Variants in LRRC8C observed in about 807,000 individuals in gnomAD.
The protein encoded by LRRC8C is volume-regulated anion channel subunit LRRC8C.
In LRRC8C, 20 loss-of-function variants were observed where a neutral mutation model predicts 55.3. The ratio of observed to expected loss-of-function variants is 0.36; its 90% CI spans 0.25 to 0.53. The LOEUF (loss-of-function observed/expected upper bound fraction) is 0.53. Ranked by LOEUF, LRRC8C falls within the 20% of genes least tolerant of loss-of-function variation. The pLI is 0.92. For missense variants in LRRC8C, 659 were observed against 951.4 expected (o/e 0.69, Z 4.04); for synonymous variants, 376 against 360.7 (o/e 1.04, Z -0.48).
Position 89,716,521 on chromosome 1 carries a change from G to C in LRRC8C, c.*1539G>C, listed in dbSNP as rs1658825118. 1.3e-5 allele frequency: 2 copies of C among 152,172 alleles called. 1 individual carries two copies. The highest frequency in any genetic ancestry group is 4.1e-4 in the South Asian group (2 of 4,834). The allele number at this position is 152,172 out of a possible 1,614,324, so 9.4% of individuals were successfully genotyped here. A position where few individuals can be genotyped will look rare whatever the true frequency, so the allele number is the denominator to read the frequency against. On this transcript the variant is annotated 3_prime_UTR_variant, in exon 3 of 3. Coordinates refer to ENST00000370454, the MANE Select transcript of LRRC8C (RefSeq NM_032270.5). ...ATCAGCAGAGCTTTTATTTACCTTTGTAATTAAAATCCAACATAGCATGGG... is the reference window on the plus strand; with the variant it reads ...ATCAGCAGAGCTTTTATTTACCTTTCTAATTAAAATCCAACATAGCATGGG...
intron 1 of LRRC8C, among the ~76,000 whole-genome samples, chr1:89,685,015 G>A (rs1340756634): frequency 6.6e-6 from 1 of 151,726 alleles, no homozygotes; most frequent in Non-Finnish European, 1.5e-5. Context: ...CAGCAAGACG[G>A]AATAGATAAC....
intron 1 of LRRC8C, among the ~76,000 whole-genome samples, chr1:89,666,506 C>CT (rs1657268451): frequency 6.6e-6 from 1 of 152,168 alleles, no homozygotes. Context: ...TCCCAACTCT[C>CT]TAAATAAGAT....
Position 89,717,384 on chromosome 1 carries a change from C to T in LRRC8C, c.*2402C>T, listed in dbSNP as rs919501477. The T allele has an allele frequency of 6.6e-5, 10 of 152,136 alleles. No homozygotes were observed. The South Asian group carries it at 1.2e-3, about 19-fold the overall frequency. 9.4% of individuals were successfully genotyped at this position (152,136 alleles called of 1,614,324 possible). ...TAAAAATCTCATATGGGTTCATAACCGAGGTCACTAATAATTCATTTTTAT... is the reference window on the plus strand; with the variant it reads ...TAAAAATCTCATATGGGTTCATAACTGAGGTCACTAATAATTCATTTTTAT... On this transcript the variant is annotated 3_prime_UTR_variant, in exon 3 of 3. Coordinates refer to ENST00000370454, the MANE Select transcript of LRRC8C (RefSeq NM_032270.5).
At chr1:89,671,286 G>GTGAGGGGCCCTCAT (rs1657406409) in intron 1 of LRRC8C, among the ~76,000 whole-genome samples, 1 of 152,024 alleles carries the variant, frequency 6.6e-6, no homozygotes, top group African/African-American at 2.4e-5. Context: ...AGGTTAGGGA[G>GTGAGGGGCCCTCAT]GGAAGAAGGT....
rs1426476995 is a variant in LRRC8C, at chr1:89,651,414, A to G, written c.-5+18092A>G. 4.0e-5 allele frequency among the ~76,000 whole-genome samples: 6 copies of G among 151,874 alleles called. No individual in the cohort carries two copies. The East Asian group carries it at 1.2e-3, about 29-fold the overall frequency. On this transcript the variant is annotated intron_variant, in intron 1 of 2. Coordinates refer to ENST00000370454, the MANE Select transcript of LRRC8C (RefSeq NM_032270.5). The stretch of plus-strand genomic sequence containing the variant: ...AAACCCTGTCTCTGCTGAAAGTACA[A>G]AAAATTAGCCGGGCATGGTGGCGGG...
At chr1:89,681,909 T>C (rs1657722460) in intron 1 of LRRC8C, among the ~76,000 whole-genome samples, 1 of 152,098 alleles carries the variant, frequency 6.6e-6, no homozygotes, top group Non-Finnish European at 1.5e-5. Context: ...TAAATGCGGC[T>C]GGGCACGCCT....
intron 1 of LRRC8C, among the ~76,000 whole-genome samples, chr1:89,678,699 T>TA (rs113109949): frequency 0.09 from 11,871 of 131,284 alleles, 626 homozygotes; most frequent in South Asian, 0.24. Context: ...AAATTCTGTC[T>TA]AAAAAAAAAA....
intron 1 of LRRC8C, among the ~76,000 whole-genome samples, chr1:89,682,367 T>A (rs1570721003): frequency 6.6e-6 from 1 of 152,100 alleles, no homozygotes; most frequent in African/African-American, 2.4e-5. Flanking sequence ...AAGCATGAGG[T>A]CTGTGAAGCA....
chr1:89,633,061 G>A (rs1656157849), upstream of LRRC8C: 1 of 152,050 alleles, frequency 6.6e-6, no homozygotes, highest in Admixed American at 6.6e-5. Context: ...GGCGGCGCTG[G>A]AGGCGGCTCC....
chr1:89,712,060 G>T (rs1658663678), intron 2 of LRRC8C, among the ~76,000 whole-genome samples: 1 of 152,210 alleles, frequency 6.6e-6, no homozygotes, highest in Non-Finnish European at 1.5e-5. Flanking sequence ...AGTCTGAGAA[G>T]ATGATATACT....
intron 1 of LRRC8C, among the ~76,000 whole-genome samples, chr1:89,646,336 A>G (rs1656614740): frequency 6.6e-6 from 1 of 152,136 alleles, no homozygotes; most frequent in Admixed American, 6.5e-5. Flanking sequence ...ATATGCCAAT[A>G]CATTTGACAA....
chr1:89,625,911 G>T, the LRRC8C span, among the ~76,000 whole-genome samples: 1 of 152,050 alleles, frequency 6.6e-6, no homozygotes, highest in African/African-American at 2.4e-5. Flanking sequence ...AATAAAATAT[G>T]GTGTTATGAA....
chr1:89,676,221 T>G (rs1657544516), intron 1 of LRRC8C: 1 of 152,198 alleles, frequency 6.6e-6, no homozygotes, highest in South Asian at 2.1e-4. Context: ...TATCACCTGT[T>G]TCTTAATAGG....
chr1:89,622,250 T>C, the LRRC8C span, among the ~76,000 whole-genome samples: 1 of 152,134 alleles, frequency 6.6e-6, no homozygotes, highest in South Asian at 2.1e-4. Flanking sequence ...TGTATGTGCC[T>C]CAGACTCCCT....
chr1:89,714,219 A>G lies in LRRC8C; in HGVS notation c.1649A>G (p.Lys550Arg), dbSNP rs1427747270. The G allele has an allele frequency of 5.6e-6, 9 of 1,613,944 alleles. No homozygotes were observed. Among genetic ancestry groups the G allele is most frequent in the Non-Finnish European group, 7.6e-6 (9 of 1,180,024 alleles). The change falls in exon 3 of 3, where the codon AAA (lysine) becomes AGA (arginine). Residue 550 changes from lysine (K) to arginine (R), a missense_variant. Coordinates refer to ENST00000370454, the MANE Select transcript of LRRC8C (RefSeq NM_032270.5). This position sits in a 1 kb window ranked among gnomAD's most constrained non-coding sequence, Gnocchi z 4.6. ...DLKSLKILSI[K>R]SNVSKIPQAV... is the part of the protein sequence containing the mutation. ...AAAAGCCTTAAAATTCTCTCTATCA[A>G]AAGCAACGTTTCCAAAATCCCTCAG...
At chr1:89,689,835 G>C (rs1657980348) in intron 2 of LRRC8C, among the ~76,000 whole-genome samples, 1 of 152,040 alleles carries the variant, frequency 6.6e-6, no homozygotes, top group Non-Finnish European at 1.5e-5. Context: ...CAGCTACTCG[G>C]GAGGCTGGGG....
chr1:89,645,322 T>C (rs1379147397), intron 1 of LRRC8C, among the ~76,000 whole-genome samples: 3 of 150,938 alleles, frequency 2.0e-5, no homozygotes, highest in African/African-American at 7.3e-5. Context: ...TAATATAATC[T>C]GAACAATAGA....
intron 2 of LRRC8C, among the ~76,000 whole-genome samples, chr1:89,712,061 A>G (rs906562902): frequency 3.9e-5 from 6 of 152,216 alleles, no homozygotes; most frequent in Non-Finnish European, 7.3e-5. Context: ...GTCTGAGAAG[A>G]TGATATACTT....
At chr1:89,705,742 T>C (rs1228655272) in intron 2 of LRRC8C, among the ~76,000 whole-genome samples, 1 of 152,084 alleles carries the variant, frequency 6.6e-6, no homozygotes, top group Admixed American at 6.6e-5. Context: ...ATCACGCCAC[T>C]GCACCCCAGC....
Sources: gnomAD v4.1 joint callset for allele counts (sites outside exome capture counted in the v4.1 genomes callset) on GRCh38, gnomAD v4.1.1 for gene constraint, Gnocchi (gnomAD v3.1) non-coding constraint, MANE v1.5 for transcripts, NCBI Gene and HGNC (gene_info 2026-07-23, HGNC 2026-07-21) for gene names.